The following DDX10 variants were observed in gnomAD, a reference collection of about 807,000 sequenced individuals.
The protein encoded by DDX10 is probable ATP-dependent RNA helicase DDX10.
Under a neutral mutation model 104.3 loss-of-function variants are expected in DDX10, and 74 were observed. That is an observed-to-expected ratio of 0.71 (90% confidence interval 0.59 to 0.86). The LOEUF is 0.86. Among genes scored for constraint, DDX10 ranks in the 40% least tolerant of loss-of-function variants. The pLI, the probability that DDX10 is intolerant of heterozygous loss-of-function variation, is 0.00. For missense variants in DDX10, 952 were observed against 1,040.0 expected (o/e 0.92, Z 1.16); for synonymous variants, 351 against 353.4 (o/e 0.99, Z 0.08).
intron 13 of DDX10, among the ~76,000 whole-genome samples, chr11:108,762,703 G>C (rs997539602): frequency 7.2e-5 from 11 of 152,236 alleles, no homozygotes; most frequent in Admixed American, 5.2e-4. Context: ...GAATGCAAAA[G>C]TTAAGTCTAG....
At chr11:108,763,144 C>G (rs912818492) in intron 13 of DDX10, among the ~76,000 whole-genome samples, 1 of 152,190 alleles carries the variant, frequency 6.6e-6, no homozygotes, top group East Asian at 1.9e-4. Flanking sequence ...AACAGGTGCT[C>G]ACTTAATAGA....
chr11:108,875,744 C>T (rs999174443), intron 16 of DDX10, among the ~76,000 whole-genome samples: 1 of 152,158 alleles, frequency 6.6e-6, no homozygotes, highest in Non-Finnish European at 1.5e-5. Flanking sequence ...AGCACTTTCA[C>T]GTTTCGCGGT....
At chr11:108,760,428 C>T (rs1591811333) in intron 13 of DDX10, among the ~76,000 whole-genome samples, 1 of 152,058 alleles carries the variant, frequency 6.6e-6, no homozygotes, top group East Asian at 1.9e-4. Flanking sequence ...ACTACTACAT[C>T]TAATATGTTT....
intron 16 of DDX10, among the ~76,000 whole-genome samples, chr11:108,905,429 C>T (rs1021379273): frequency 3.3e-5 from 5 of 150,702 alleles, no homozygotes; most frequent in Non-Finnish European, 5.9e-5. Flanking sequence ...TTTTAAATGT[C>T]ATTAAAATAT....
chr11:108,763,963 A>G (rs2094353642), intron 13 of DDX10, among the ~76,000 whole-genome samples: 1 of 152,200 alleles, frequency 6.6e-6, no homozygotes, highest in African/African-American at 2.4e-5. Context: ...AATTCCAAAT[A>G]TAGAGCTTTC....
At chr11:108,935,401 AT>A (rs2134678557) in intron 17 of DDX10, among the ~76,000 whole-genome samples, 1 of 152,296 alleles carries the variant, frequency 6.6e-6, no homozygotes, top group African/African-American at 2.4e-5. Flanking sequence ...CTCTTTAAAG[AT>A]TATACTAATA....
At chr11:108,843,654 G>A (rs1330318509) in intron 15 of DDX10, among the ~76,000 whole-genome samples, 1 of 151,894 alleles carries the variant, frequency 6.6e-6, no homozygotes. Flanking sequence ...TACTCAGGAG[G>A]CTGAGGCAGG....
At chr11:108,924,957 C>T (rs1320208951) in intron 17 of DDX10, among the ~76,000 whole-genome samples, 1 of 152,172 alleles carries the variant, frequency 6.6e-6, no homozygotes, top group Non-Finnish European at 1.5e-5. Flanking sequence ...AAGAGGTTGG[C>T]TCAGCTTAAT....
chr11:108,795,999 A>G (rs972906113), intron 13 of DDX10, among the ~76,000 whole-genome samples: 4 of 152,210 alleles, frequency 2.6e-5, no homozygotes, highest in South Asian at 2.1e-4. Flanking sequence ...TCTAATAAGT[A>G]TAGAAGTGTT....
intron 16 of DDX10, among the ~76,000 whole-genome samples, chr11:108,878,520 T>A (rs1181488783): frequency 6.6e-6 from 1 of 152,200 alleles, no homozygotes; most frequent in Non-Finnish European, 1.5e-5. Context: ...AATTTAATTT[T>A]CCTTTTGAAA....
chr11:108,831,875 A>G (rs1355424526), intron 13 of DDX10, among the ~76,000 whole-genome samples: 1 of 152,074 alleles, frequency 6.6e-6, no homozygotes. Flanking sequence ...CTTCCAGATT[A>G]TTTCCAGTAA....
chr11:108,823,873 C>G lies in DDX10; in HGVS notation c.1966-14573C>G, dbSNP rs146390536. ...AAACATCTTGAATGTTATTTTGATG[C>G]TCTCCCATTTTGTTCAAACAAATTC... On this transcript the variant is annotated intron_variant, in intron 13 of 17. Coordinates refer to ENST00000322536, the MANE Select transcript of DDX10 (RefSeq NM_004398.4). 7.1e-3 allele frequency among the ~76,000 whole-genome samples: 1,074 copies of G among 152,286 alleles called. 13 individuals carry two copies. The highest frequency in any genetic ancestry group is 0.023 in the African/African-American group (971 of 41,556).
intron 17 of DDX10, among the ~76,000 whole-genome samples, chr11:108,923,848 AAGTAT>A (rs1863873096): frequency 6.6e-6 from 1 of 152,208 alleles, no homozygotes; most frequent in East Asian, 1.9e-4. Context: ...TCTTAGGTGT[AAGTAT>A]TAACTGAGCA....
chr11:108,902,214 T>C (rs1454693084), intron 16 of DDX10, among the ~76,000 whole-genome samples: 2 of 152,062 alleles, frequency 1.3e-5, no homozygotes, highest in South Asian at 2.1e-4. Context: ...AATGTTTCTT[T>C]TGAGGCCACA....
intron 16 of DDX10, among the ~76,000 whole-genome samples, chr11:108,896,380 G>A (rs186079084): frequency 2.0e-5 from 3 of 150,542 alleles, no homozygotes; most frequent in Admixed American, 1.3e-4. Context: ...CTGCCAATGC[G>A]TGTTTTAACT....
chr11:108,722,716 G>A (rs1017357063), intron 12 of DDX10, among the ~76,000 whole-genome samples: 1 of 152,210 alleles, frequency 6.6e-6, no homozygotes, highest in African/African-American at 2.4e-5. Context: ...GGCAGGTCTA[G>A]TACTTGAACT....
chr11:108,817,512 C>T (rs1264064113), intron 13 of DDX10, among the ~76,000 whole-genome samples: 1 of 152,144 alleles, frequency 6.6e-6, no homozygotes, highest in Admixed American at 6.5e-5. Flanking sequence ...CAGTTACTCC[C>T]TAGCCCCTTA....
intron 15 of DDX10, 55 bp downstream of exon 15, chr11:108,841,531 T>C: frequency 2.1e-6 from 3 of 1,463,286 alleles, no homozygotes; most frequent in Admixed American, 1.9e-5. Context: ...CCGAAGTATA[T>C]CTAAATATTC....
chr11:108,739,215 G>T (rs1173232681), intron 13 of DDX10, among the ~76,000 whole-genome samples: 1 of 152,202 alleles, frequency 6.6e-6, no homozygotes, highest in African/African-American at 2.4e-5. Context: ...GTAGCAAAAA[G>T]TAGAACTCTG....
Sources: allele counts gnomAD v4.1 joint callset (sites outside exome capture counted in the v4.1 genomes callset), GRCh38; gene constraint gnomAD v4.1.1; transcripts MANE v1.5; gene names NCBI Gene and HGNC (gene_info 2026-07-23, HGNC 2026-07-21).